Variants in MINDY4B observed in about 807,000 individuals in gnomAD.
The protein encoded by MINDY4B is MINDY family member 4B, also known as inactive ubiquitin carboxyl-terminal hydrolase MINDY-4B.
In MINDY4B, 25 loss-of-function variants were observed where a neutral mutation model predicts 16.7. The observed-to-expected ratio is 1.49, with a 90% CI of 1.09 to 2.09. MINDY4B has a LOEUF of 2.09. MINDY4B is among the 30% of genes most tolerant of loss of function. The probability of loss-of-function intolerance (pLI) is 0.00; values close to 1 mark genes in which losing one functional copy is unlikely to be tolerated. For synonymous variants in MINDY4B, 132 were observed against 61.9 expected, an observed-to-expected ratio of 2.13 and a Z score of -5.32; for missense variants, 327 against 168.4, an observed-to-expected ratio of 1.94 and a Z score of -5.21.
Position 150,890,341 on chromosome 3 carries a change from G to T in MINDY4B, c.732C>A (p.Phe244Leu), listed in dbSNP as rs1413226159. The T allele has an allele frequency of 9.5e-6, 6 of 632,254 alleles. No homozygotes were observed. The East Asian group carries it at 1.4e-4, about 15-fold the overall frequency. 39.2% of individuals were successfully genotyped at this position (632,254 alleles called of 1,614,324 possible). ...EFLEKEAAEK[F>L]IYDHLLCFRG... ...TTACACATAGTAAGTGATCGTAGAT[G>T]AATTTCTCAGCGGCTTCTTTCTCTA... Residue 244 changes from phenylalanine to leucine, a missense_variant, in exon 7 of 12, where the codon TTC (phenylalanine) becomes TTA (leucine). Coordinates refer to ENST00000465419, the MANE Select transcript of MINDY4B (RefSeq NM_001351281.2).
intron 7 of MINDY4B, among the ~76,000 whole-genome samples, chr3:150,885,858 T>C (rs1711608877): frequency 6.6e-6 from 1 of 152,168 alleles, no homozygotes; most frequent in African/African-American, 2.4e-5. Context: ...TAGAACTCGC[T>C]TTGGAGTTAT....
intron 7 of MINDY4B, among the ~76,000 whole-genome samples, chr3:150,885,992 A>G (rs1015541095): frequency 5.3e-5 from 8 of 152,194 alleles, no homozygotes; most frequent in Non-Finnish European, 8.8e-5. Context: ...TGAAGTAATT[A>G]ATTATTTGAA....
intron 11 of MINDY4B, among the ~76,000 whole-genome samples, chr3:150,872,360 T>C (rs1235030955): frequency 6.6e-6 from 1 of 152,240 alleles, no homozygotes; most frequent in Non-Finnish European, 1.5e-5. Context: ...TTTCCACATG[T>C]AATAATGGAA....
Position 150,871,084 on chromosome 3 carries a change from C to A in MINDY4B, c.1344G>T (p.Glu448Asp), listed in dbSNP as rs1308552384. 3 of 702,756 alleles carry A rather than the reference C, an allele frequency of 4.3e-6. No homozygotes were observed. In the Admixed American group the frequency reaches 6.0e-5, roughly 14 times the overall value. The allele number at this position is 702,756 out of a possible 1,614,324, so 43.5% of individuals were successfully genotyped here. A position where few individuals can be genotyped will look rare whatever the true frequency, so the allele number is the denominator to read the frequency against. ...CGGTCCCATTCCAGTTGATGGTGGC[C>A]TCGCTCCACTTGGTTCTGATTGCCA... is the stretch of plus-strand genomic sequence containing the variant. ...VEMAIRTKWSEATINWNGTVP... is the reference protein window; with the variant it reads ...VEMAIRTKWSDATINWNGTVP... Residue 448 changes from glutamate (E) to aspartate (D), a missense_variant, in exon 12 of 12, where the codon GAG becomes GAT. Coordinates refer to ENST00000465419, the MANE Select transcript of MINDY4B (RefSeq NM_001351281.2).
Position 150,903,352 on chromosome 3 carries a change from T to A in MINDY4B, c.206A>T (p.Lys69Ile). The A allele has an allele frequency of 2.5e-6, 1 of 398,594 alleles. No individual in the cohort carries two copies. The highest frequency in any genetic ancestry group is 4.4e-6 in the Non-Finnish European group (1 of 226,036). The allele number at this position is 398,594 out of a possible 1,614,324, so 24.7% of individuals were successfully genotyped here. ...NEDGTGLSQP[K>I]GQGHLPSSGL... ...ACTTGATGGCAAATGTCCTTGTCCT[T>A]TGGGCTGAGATAGTCCTGTTCCATC... The change falls in exon 3 of 12, where the codon AAA (lysine) becomes ATA (isoleucine). Residue 69 changes from lysine to isoleucine, a missense_variant. Lys to Ile is a moderately radical substitution (Grantham distance 102). Transcript: ENST00000465419.
chr3:150,895,040 A>G (rs940068425), intron 3 of MINDY4B, among the ~76,000 whole-genome samples: 1 of 152,222 alleles, frequency 6.6e-6, no homozygotes, highest in Admixed American at 6.5e-5. Context: ...TGGCATTTGA[A>G]TGAGGCTGGT....
intron 2 of MINDY4B, among the ~76,000 whole-genome samples, chr3:150,904,327 G>A (rs958950604): frequency 9.2e-5 from 14 of 152,092 alleles, no homozygotes; most frequent in African/African-American, 3.1e-4. Context: ...TAAAATAGAA[G>A]CATTATTGCT....
At chr3:150,901,360 A>C (rs1186917589) in intron 3 of MINDY4B, 1 of 152,164 alleles carries the variant, frequency 6.6e-6, no homozygotes, top group Admixed American at 6.6e-5. Flanking sequence ...TATAAGATAC[A>C]AGTTAAGGCT....
chr3:150,876,110 G>A (rs1401153855), intron 10 of MINDY4B, among the ~76,000 whole-genome samples: 2 of 152,200 alleles, frequency 1.3e-5, no homozygotes, highest in African/African-American at 4.8e-5. Flanking sequence ...AAATTAAATT[G>A]TGATACAGTG....
At chr3:150,871,284 A>G in intron 11 of MINDY4B, 97 bp from the exon 12 acceptor site, 1 of 634,782 alleles carries the variant, frequency 1.6e-6, no homozygotes, top group South Asian at 1.8e-5. Flanking sequence ...GGCAGGAGTC[A>G]GGCTTGGAAA....
chr3:150,882,868 TG>T (rs1360668298), intron 10 of MINDY4B, 28 bp downstream of exon 10: 1 of 680,040 alleles, frequency 1.5e-6, no homozygotes. Context: ...ACATTCTGGT[TG>T]TGTGGTTGAG....
intron 10 of MINDY4B, among the ~76,000 whole-genome samples, chr3:150,882,086 A>G (rs1482479840): frequency 2.6e-5 from 4 of 152,208 alleles, no homozygotes; most frequent in Non-Finnish European, 5.9e-5. Flanking sequence ...TCCTCCATCA[A>G]ATTGAATGAC....
At chr3:150,884,108 C>T (rs1240017835) in intron 8 of MINDY4B, among the ~76,000 whole-genome samples, 3 of 152,204 alleles carry the variant, frequency 2.0e-5, no homozygotes, top group Non-Finnish European at 2.9e-5. Context: ...GGTGGTGACA[C>T]ATGACCACAC....
chr3:150,898,735 C>T (rs1363455670), intron 3 of MINDY4B, among the ~76,000 whole-genome samples: 1 of 152,198 alleles, frequency 6.6e-6, no homozygotes. Flanking sequence ...TCTTTCCTGG[C>T]ACTTTGTTCC....
chr3:150,879,008 TTC>T (rs1711501434), intron 10 of MINDY4B, among the ~76,000 whole-genome samples: 2 of 152,206 alleles, frequency 1.3e-5, no homozygotes, highest in Middle Eastern at 3.2e-3. Flanking sequence ...ATAGTCCCTT[TTC>T]TCACAACAAC....
rs1004100686 is a variant in MINDY4B at position 150,882,933 on chromosome 3, C to G, written c.1023G>C (p.Trp341Cys). Residue 341 changes from tryptophan (W) to cysteine (C), a missense_variant, in exon 10 of 12, where the codon TGG (tryptophan) becomes TGC (cysteine). By Grantham distance (215) the Trp-to-Cys change is radical. Coordinates refer to ENST00000465419, the MANE Select transcript of MINDY4B (RefSeq NM_001351281.2). ...LTRSDVGYLQ[W>C]GKDASEDDRL... ...TGTCATCTTCCGAGGCATCCTTACC[C>G]CACTGCAAATAGCCAACATCACTGC... 4.3e-6 allele frequency: 3 copies of G among 702,698 alleles called. No individual in the cohort carries two copies. The African/African-American group carries it at 5.2e-5, about 12-fold the overall frequency. 43.5% of individuals were successfully genotyped at this position (702,698 alleles called of 1,614,324 possible).
At position 150,871,091 on chromosome 3, in the gene MINDY4B, C is replaced by T. The variant is rs146229698; in HGVS notation, c.1337G>A (p.Trp446Ter). 8.0e-4 allele frequency: 559 copies of T among 702,870 alleles called. 5 individuals are homozygous for T. The African/African-American group carries it at 8.5e-3, about 11-fold the overall frequency. 43.5% of individuals were successfully genotyped at this position (702,870 alleles called of 1,614,324 possible). Residue 446 changes from tryptophan (W) to a stop codon, truncating the protein, a stop_gained, in exon 12 of 12, where the codon TGG (tryptophan) becomes TAG (stop). Transcript: ENST00000465419. LOFTEE classifies it high-confidence loss of function. ...ATTCCAGTTGATGGTGGCCTCGCTC[C>T]ACTTGGTTCTGATTGCCATCTCCAC... ...SPVEMAIRTK[W>*]SEATINWNGT...
chr3:150,891,190 G>C, intron 5 of MINDY4B, 87 bp from the exon 6 acceptor site: 1 of 645,432 alleles, frequency 1.5e-6, no homozygotes. Context: ...CCTGGTCATT[G>C]ACCTTCAAAG....
At chr3:150,901,522 CT>C (rs10556676) in intron 3 of MINDY4B, 8,878 of 134,768 alleles carry the variant, frequency 0.066, 355 homozygotes, top group East Asian at 0.17. Flanking sequence ...CTTTTCTTTT[CT>C]TTTTTTTTTT....
Sources: gnomAD v4.1 joint callset for allele counts (sites outside exome capture counted in the v4.1 genomes callset) on GRCh38, gnomAD v4.1.1 for gene constraint, MANE v1.5 for transcripts, NCBI Gene and HGNC (gene_info 2026-07-23, HGNC 2026-07-21) for gene names.